The following TPTE variants were observed in gnomAD, a reference collection of about 807,000 sequenced individuals.
TPTE encodes transmembrane phosphatase with tensin homology, also known as putative tyrosine-protein phosphatase TPTE.
A neutral mutation model predicts 84.1 loss-of-function variants in TPTE; 59 were observed. The observed-to-expected ratio is 0.70, with a 90% confidence interval of 0.57 to 0.87. The LOEUF is 0.87. Ranked by LOEUF, TPTE falls within the 40% of genes least tolerant of loss-of-function variation. The pLI, the probability that TPTE is intolerant of heterozygous loss-of-function variation, is 0.00. For missense variants in TPTE, 382 were observed against 659.6 expected (o/e 0.58, Z 4.61); for synonymous variants, 130 against 223.5 (o/e 0.58, Z 3.73).
intron 8 of TPTE, among the ~76,000 whole-genome samples, chr21:10,559,193 G>C (rs1294824480): frequency 1.3e-5 from 2 of 152,298 alleles, no homozygotes; most frequent in Non-Finnish European, 2.9e-5. Flanking sequence ...TATACTCCTT[G>C]AGATGATGAC....
intron 10 of TPTE, among the ~76,000 whole-genome samples, chr21:10,564,715 C>G (rs903099042): frequency 3.3e-5 from 5 of 152,414 alleles, no homozygotes; most frequent in African/African-American, 1.2e-4. Flanking sequence ...TCAATCAATG[C>G]GATACATTAT....
chr21:10,544,303 T>C (rs559663109), intron 7 of TPTE, among the ~76,000 whole-genome samples: 34 of 152,422 alleles, frequency 2.2e-4, no homozygotes, highest in African/African-American at 7.5e-4. Flanking sequence ...GTATGTAGTA[T>C]TGATTTTTAA....
chr21:10,572,050 G>A (rs1825297850), intron 14 of TPTE, among the ~76,000 whole-genome samples: 2 of 152,422 alleles, frequency 1.3e-5, no homozygotes, highest in South Asian at 2.1e-4. Flanking sequence ...AACAGACATG[G>A]GAGAGATATG....
rs780491487 is a variant in TPTE, at chr21:10,542,396, C to A, written c.67C>A (p.Pro23Thr). The A allele has an allele frequency of 6.2e-7, 1 of 1,611,412 alleles. No individual in the cohort carries two copies. Among genetic ancestry groups the A allele is most frequent in the Non-Finnish European group, 8.5e-7 (1 of 1,178,078 alleles). Residue 23 changes from proline (P) to threonine (T), a missense_variant and splice_region_variant, in exon 6 of 24, where the codon CCA (proline) becomes ACA (threonine). Pro to Thr is a conservative substitution (Grantham distance 38). Coordinates refer to ENST00000618007, the MANE Select transcript of TPTE (RefSeq NM_199261.4). The part of the protein sequence containing the change: ...VIIELGPNDS[P>T]QTSEFKGATE... ...CTGTTTTCTCTTATCATCCACTAGTCCACAGACAAGTGAATTTAAAGGAGC... is the reference window on the plus strand; with the variant it reads ...CTGTTTTCTCTTATCATCCACTAGTACACAGACAAGTGAATTTAAAGGAGC...
chr21:10,537,625 C>A (rs370517785), intron 3 of TPTE, among the ~76,000 whole-genome samples: 2 of 152,120 alleles, frequency 1.3e-5, no homozygotes, highest in South Asian at 2.1e-4. Flanking sequence ...TTGCAGTGAA[C>A]CGAGATCCTG....
intron 13 of TPTE, 76 bp downstream of exon 13, chr21:10,569,822 T>G: frequency 1.9e-6 from 3 of 1,612,634 alleles, no homozygotes; most frequent in Non-Finnish European, 2.5e-6. Flanking sequence ...TTGCCTCATC[T>G]AAGACACATT....
chr21:10,546,054 C>T (rs1475642203), intron 7 of TPTE, among the ~76,000 whole-genome samples: 26 of 152,384 alleles, frequency 1.7e-4, no homozygotes, highest in African/African-American at 6.0e-4. Context: ...TTTTATTGCC[C>T]CTCAGATATT....
At chr21:10,582,107 A>C (rs1482067129) in intron 17 of TPTE, among the ~76,000 whole-genome samples, 1 of 152,310 alleles carries the variant, frequency 6.6e-6, no homozygotes, top group African/African-American at 2.4e-5. Context: ...CTTTTCTGTC[A>C]TGTTTATGAA....
intron 14 of TPTE, chr21:10,576,608 C>T (rs991466165): frequency 6.6e-6 from 1 of 152,550 alleles, no homozygotes; most frequent in Non-Finnish European, 1.5e-5. Flanking sequence ...ACTTTGATAC[C>T]TTCATTTTAT....
At chr21:10,599,676 G>A (rs1159437504) in intron 21 of TPTE, among the ~76,000 whole-genome samples, 1 of 152,306 alleles carries the variant, frequency 6.6e-6, no homozygotes, top group Non-Finnish European at 1.5e-5. Flanking sequence ...TGGCTCTTGA[G>A]CTCTGAAGAT....
At chr21:10,530,368 A>T (rs547376523) in intron 3 of TPTE, among the ~76,000 whole-genome samples, 930 of 151,978 alleles carry the variant, frequency 6.1e-3, no homozygotes, top group African/African-American at 0.022. Context: ...TGTTTAATAC[A>T]CAGTATATAC....
intron 10 of TPTE, among the ~76,000 whole-genome samples, chr21:10,565,431 C>T (rs1197264577): frequency 6.6e-6 from 1 of 152,304 alleles, no homozygotes; most frequent in African/African-American, 2.4e-5. Context: ...TCCATACTCT[C>T]CAAAGCAATT....
intron 14 of TPTE, among the ~76,000 whole-genome samples, chr21:10,573,600 A>G (rs1428823307): frequency 6.6e-6 from 1 of 152,282 alleles, no homozygotes; most frequent in African/African-American, 2.4e-5. Context: ...AATGATAAAT[A>G]TTTGAGGTGA....
At chr21:10,598,360 G>T (rs1165887520) in intron 21 of TPTE, among the ~76,000 whole-genome samples, 3 of 152,310 alleles carry the variant, frequency 2.0e-5, no homozygotes, top group African/African-American at 7.2e-5. Flanking sequence ...CAAACACTGA[G>T]CGTGTTCCCA....
At chr21:10,563,236 T>C (rs1311436908) in intron 10 of TPTE, among the ~76,000 whole-genome samples, 4 of 152,300 alleles carry the variant, frequency 2.6e-5, no homozygotes, top group Non-Finnish European at 5.9e-5. Context: ...ACCAGACCTG[T>C]CCTAGAAGAA....
chr21:10,547,065 A>G (rs1432052570), intron 7 of TPTE, among the ~76,000 whole-genome samples: 1 of 152,312 alleles, frequency 6.6e-6, no homozygotes, highest in African/African-American at 2.4e-5. Context: ...TCAAATCTTC[A>G]AAGCACAGGC....
chr21:10,551,138 C>T (rs1420516332), intron 7 of TPTE, among the ~76,000 whole-genome samples: 2 of 152,304 alleles, frequency 1.3e-5, no homozygotes, highest in Non-Finnish European at 2.9e-5. Context: ...CATCCGTGTC[C>T]CTACAAAGGA....
chr21:10,582,387 T>G (rs2075286789), intron 17 of TPTE, among the ~76,000 whole-genome samples: 1 of 152,304 alleles, frequency 6.6e-6, no homozygotes, highest in Non-Finnish European at 1.5e-5. Context: ...TATTGTAGCT[T>G]TATAATGTGG....
intron 2 of TPTE, among the ~76,000 whole-genome samples, chr21:10,525,089 C>T (rs1206081913): frequency 2.0e-5 from 3 of 152,306 alleles, no homozygotes; most frequent in African/African-American, 4.8e-5. Context: ...TAGTGTTCAG[C>T]TCAGGAAGCC....
Sources: gnomAD v4.1 joint callset for allele counts (sites outside exome capture counted in the v4.1 genomes callset) on GRCh38, gnomAD v4.1.1 for gene constraint, MANE v1.5 for transcripts, NCBI Gene and HGNC (gene_info 2026-07-23, HGNC 2026-07-21) for gene names.